The following HS1BP3 variants were observed in gnomAD, a reference collection of about 807,000 sequenced individuals.
The protein encoded by HS1BP3 is HCLS1 binding protein 3.
Under a neutral mutation model 33.5 loss-of-function variants are expected in HS1BP3, and 32 were observed. The ratio of observed to expected loss-of-function variants is 0.95; its 90% CI spans 0.72 to 1.28. The LOEUF is 1.28. Ranked by LOEUF, HS1BP3 falls within the 50% of genes most tolerant of loss-of-function variation. The probability of loss-of-function intolerance (pLI) is 0.00; values close to 1 mark genes in which losing one functional copy is unlikely to be tolerated. For missense variants in HS1BP3, 486 were observed against 502.3 expected (o/e 0.97, Z 0.31); for synonymous variants, 187 against 209.2 (o/e 0.89, Z 0.92).
At chr2:20,621,237 A>AC (rs1363489799) in intron 6 of HS1BP3, among the ~76,000 whole-genome samples, 2 of 152,272 alleles carry the variant, frequency 1.3e-5, no homozygotes, top group Non-Finnish European at 2.9e-5. Flanking sequence ...CCAGCACAGC[A>AC]CCCCCAGGGG....
chr2:20,646,233 G>A (rs537342539), intron 1 of HS1BP3, among the ~76,000 whole-genome samples: 1 of 152,342 alleles, frequency 6.6e-6, no homozygotes, highest in East Asian at 1.9e-4. Context: ...ACACAGACCT[G>A]TGCAGACTAA....
chr2:20,569,848 T>G (rs909106754), intron 5 of HS1BP3, among the ~76,000 whole-genome samples: 1 of 152,148 alleles, frequency 6.6e-6, no homozygotes, highest in Non-Finnish European at 1.5e-5. Context: ...TGCTTCCCAT[T>G]TGCCCCACCG....
chr2:20,581,501 C>A (rs2149275798), intron 5 of HS1BP3, among the ~76,000 whole-genome samples: 1 of 152,220 alleles, frequency 6.6e-6, no homozygotes, highest in Non-Finnish European at 1.5e-5. Context: ...AGGCGTGCAC[C>A]ACCATGCCTG....
At chr2:20,624,672 C>T in intron 5 of HS1BP3, 60 bp downstream of exon 5, 7 of 1,501,726 alleles carry the variant, frequency 4.7e-6, no homozygotes, top group South Asian at 2.6e-5. Context: ...CCAGACCCTG[C>T]CTGGTGATGG....
At chr2:20,568,497 A>T (rs955751350) in intron 5 of HS1BP3, among the ~76,000 whole-genome samples, 1 of 152,118 alleles carries the variant, frequency 6.6e-6, no homozygotes, top group Non-Finnish European at 1.5e-5. Flanking sequence ...TCAGGTTTTA[A>T]GCAGAGCAGC....
rs1473661538 is a variant in HS1BP3, at chr2:20,625,369, C to T, written c.624-477G>A. On this transcript the variant is annotated intron_variant, in intron 4 of 6. Transcript: ENST00000304031. Reference sequence around the variant, plus strand: ...ATGCGGTCACAGGCCAGAGATCACACTCCCATTCGGAAGGTAGAGACAGCT... The same window carrying T: ...ATGCGGTCACAGGCCAGAGATCACATTCCCATTCGGAAGGTAGAGACAGCT... Among the ~76,000 whole-genome samples the T allele has an allele frequency of 2.0e-5, 3 of 152,220 alleles. No homozygotes were observed. The East Asian group carries it at 5.8e-4, about 29-fold the overall frequency.
At chr2:20,586,506 A>G (rs1371505751) in intron 5 of HS1BP3, 1 of 152,194 alleles carries the variant, frequency 6.6e-6, no homozygotes, top group Non-Finnish European at 1.5e-5. Flanking sequence ...TTTGTTTAGA[A>G]TTTACCAAAA....
chr2:20,575,983 C>T (rs964473102), intron 5 of HS1BP3, among the ~76,000 whole-genome samples: 31 of 151,948 alleles, frequency 2.0e-4, no homozygotes, highest in African/African-American at 6.8e-4. Flanking sequence ...CCATTTCCAT[C>T]TTTGTTTTGT....
At chr2:20,572,413 C>T (rs1299323352) in intron 5 of HS1BP3, among the ~76,000 whole-genome samples, 3 of 152,236 alleles carry the variant, frequency 2.0e-5, no homozygotes, top group Non-Finnish European at 1.5e-5. Context: ...TGTCCCCGTA[C>T]CCTACTCCAC....
chr2:20,584,289 A>G (rs1693628744), intron 5 of HS1BP3, among the ~76,000 whole-genome samples: 3 of 152,180 alleles, frequency 2.0e-5, no homozygotes, highest in African/African-American at 7.2e-5. Flanking sequence ...GAGATGTTCT[A>G]ATCACCCTAT....
In HS1BP3 at chr2:20,618,725, C is replaced by G. The variant is rs1694496618; in HGVS notation, c.*262G>C. 1 of 1,289,692 alleles carries G rather than the reference C, an allele frequency of 7.8e-7. No homozygotes were observed. The highest frequency in any genetic ancestry group is 2.4e-5 in the South Asian group (1 of 41,156). 79.9% of individuals were successfully genotyped at this position (1,289,692 alleles called of 1,614,324 possible). On this transcript the variant is annotated 3_prime_UTR_variant, in exon 7 of 7. Transcript: ENST00000304031. The stretch of plus-strand genomic sequence containing the variant: ...TTGGCAAGGCATCCCCACACCCTCC[C>G]TCCCCTTCATGTCCACGGGGAATAA...
At chr2:20,630,975 G>C (rs1449369876) in intron 4 of HS1BP3, among the ~76,000 whole-genome samples, 2 of 151,926 alleles carry the variant, frequency 1.3e-5, no homozygotes, top group Non-Finnish European at 2.9e-5. Flanking sequence ...AGCAGAGGGG[G>C]ATGTAGGAGA....
intron 5 of HS1BP3, among the ~76,000 whole-genome samples, chr2:20,560,910 A>ACT (rs1692976742): frequency 1.3e-5 from 2 of 152,090 alleles, no homozygotes; most frequent in Non-Finnish European, 2.9e-5. Context: ...GATGGTGATG[A>ACT]GAAAGAAGAG....
intron 4 of HS1BP3, chr2:20,637,167 C>T (rs1005204552): frequency 6.6e-6 from 1 of 152,212 alleles, no homozygotes; most frequent in Non-Finnish European, 1.5e-5. Flanking sequence ...AAAAAGGAGC[C>T]GCTCGGCTAA....
chr2:20,629,771 C>T (rs894527965), intron 4 of HS1BP3, among the ~76,000 whole-genome samples: 1 of 152,226 alleles, frequency 6.6e-6, no homozygotes, highest in Non-Finnish European at 1.5e-5. Flanking sequence ...GGCAGACAGA[C>T]GCGCAGACCA....
chr2:20,606,245 T>C, intron 2 of HS1BP3: 1 of 261,528 alleles, frequency 3.8e-6, no homozygotes, highest in Non-Finnish European at 7.9e-6. Flanking sequence ...TTAATAAAGT[T>C]TTATTTTTCT....
downstream of HS1BP3, among the ~76,000 whole-genome samples, chr2:20,613,019 A>G (rs4666440): frequency 0.99 from 151,448 of 152,274 alleles, 75,317 homozygotes; most frequent in East Asian, 1. Context: ...CCTGGAACCA[A>G]CCTAGGTGTA....
intron 4 of HS1BP3, among the ~76,000 whole-genome samples, chr2:20,629,632 G>C (rs1169276025): frequency 6.6e-6 from 1 of 152,248 alleles, no homozygotes; most frequent in Non-Finnish European, 1.5e-5. Context: ...AACATGAGTT[G>C]GGCCCACAGA....
Position 20,630,104 on chromosome 2 carries a change from C to T in HS1BP3, c.624-5212G>A, listed in dbSNP as rs1694925068. On this transcript the variant is annotated intron_variant, in intron 4 of 6. Transcript: ENST00000304031. Reference sequence around the variant, plus strand: ...CTGAACAGAAGACTGCTGATCTTTCCACAACTGAGACACATGGACAGCATG... The same window carrying T: ...CTGAACAGAAGACTGCTGATCTTTCTACAACTGAGACACATGGACAGCATG... 2.6e-5 allele frequency among the ~76,000 whole-genome samples: 4 copies of T among 152,228 alleles called. 1 individual carries two copies. Among genetic ancestry groups the T allele is most frequent in the Admixed American group, 1.3e-4 (2 of 15,286 alleles).
Sources: gnomAD v4.1 joint callset for allele counts (sites outside exome capture counted in the v4.1 genomes callset) on GRCh38, gnomAD v4.1.1 for gene constraint, MANE v1.5 for transcripts, NCBI Gene and HGNC (gene_info 2026-07-23, HGNC 2026-07-21) for gene names.